The following LIX1L variants were observed in gnomAD, a reference collection of about 807,000 sequenced individuals.
LIX1L encodes LIX1-like protein.
In LIX1L, 20 loss-of-function variants were observed where a neutral mutation model predicts 34.0. That is an observed-to-expected ratio of 0.59 (90% CI 0.41 to 0.85). The LOEUF (loss-of-function observed/expected upper bound fraction) is 0.85. LIX1L is among the 40% of genes least tolerant of loss of function. LIX1L has a pLI of 0.00. For synonymous variants in LIX1L, 170 were observed against 187.4 expected (o/e 0.91, Z 0.76); for missense variants, 397 against 447.0 (o/e 0.89, Z 1.01).
In LIX1L at chr1:145,934,866, CA is replaced by C. The variant is rs587720380; in HGVS notation, c.*1443del. 8.1e-5 allele frequency: 12 copies of C among 147,394 alleles called. No individual in the cohort carries two copies. Among genetic ancestry groups the C allele is most frequent in the East Asian group, 2.0e-4 (1 of 4,980 alleles). The allele number at this position is 147,394 out of a possible 1,614,324, so 9.1% of individuals were successfully genotyped here. On this transcript the variant is annotated 3_prime_UTR_variant, in exon 6 of 6. Coordinates refer to ENST00000604000, the MANE Select transcript of LIX1L (RefSeq NM_153713.3). ...TCAAAAACAAAAACAAAAACAAAAC[CA>C]AAAAAAAACCACAAATAGGCCAGGC...
chr1:145,936,858 A>T (rs782235385), intron 5 of LIX1L, 50 bp downstream of exon 5: 40 of 1,225,870 alleles, frequency 3.3e-5, no homozygotes, highest in Non-Finnish European at 4.7e-5. Context: ...AAAAGAGTCC[A>T]CTGACAGATT....
chr1:145,948,747 C>G lies in LIX1L; in HGVS notation c.293-965G>C, dbSNP rs782121625. On this transcript the variant is annotated intron_variant, in intron 1 of 5. Transcript: ENST00000604000. This position sits in a 1 kb window ranked among gnomAD's most constrained non-coding sequence, Gnocchi z 4.0. The stretch of plus-strand genomic sequence containing the variant: ...CATCTTGCTAGGTACACCAAGATTG[C>G]AAATCCCTGACTGCTCTTTACTTGG... 1 of 152,202 alleles carries G rather than the reference C, an allele frequency of 6.6e-6. No individual in the cohort carries two copies. The highest frequency in any genetic ancestry group is 6.5e-5 in the Admixed American group (1 of 15,282). 9.4% of individuals were successfully genotyped at this position (152,202 alleles called of 1,614,324 possible). A position where few individuals can be genotyped will look rare whatever the true frequency, so the allele number is the denominator to read the frequency against.
At chr1:145,949,660 C>T (rs78895034) in intron 1 of LIX1L, among the ~76,000 whole-genome samples, 2,151 of 150,928 alleles carry the variant, frequency 0.014, 40 homozygotes, top group African/African-American at 0.04. Flanking sequence ...GGAAAAATAA[C>T]TAATTAAAAA....
Position 145,947,787 on chromosome 1 carries a change from A to G in LIX1L, c.293-5T>C, listed in dbSNP as rs1553759421. On this transcript the variant is annotated splice_polypyrimidine_tract_variant and splice_region_variant and intron_variant, in intron 1 of 5. Coordinates refer to ENST00000604000, the MANE Select transcript of LIX1L (RefSeq NM_153713.3). Reference sequence around the variant, plus strand: ...GAAGTGCCTCCACCACATTCACTACAAAAGAGAAGTACTTAAGTTCAGCAA... The same window carrying G: ...GAAGTGCCTCCACCACATTCACTACGAAAGAGAAGTACTTAAGTTCAGCAA... The G allele has an allele frequency of 1.2e-6, 2 of 1,614,016 alleles. No homozygotes were observed. Among genetic ancestry groups the G allele is most frequent in the African/African-American group, 1.3e-5 (1 of 75,042 alleles).
At position 145,957,522 on chromosome 1, in the gene LIX1L, C is replaced by T; in HGVS notation, c.292+114G>A. ...GTGTGCGTAGCCCAGAAGGAAACTCCCCAAAAGGAAATGCATGTGAGGGCT... is the reference window on the plus strand; with the variant it reads ...GTGTGCGTAGCCCAGAAGGAAACTCTCCAAAAGGAAATGCATGTGAGGGCT... On this transcript the variant is annotated intron_variant, in intron 1 of 5. Transcript: ENST00000604000. 4 of 1,314,804 alleles carry T rather than the reference C, an allele frequency of 3.0e-6. No individual in the cohort carries two copies. The South Asian group carries it at 6.1e-5, about 20-fold the overall frequency. 81.4% of individuals were successfully genotyped at this position (1,314,804 alleles called of 1,614,324 possible). A position where few individuals can be genotyped will look rare whatever the true frequency, so the allele number is the denominator to read the frequency against.
intron 1 of LIX1L, among the ~76,000 whole-genome samples, chr1:145,951,704 CTCCAGT>C (rs1219465652): frequency 1.3e-5 from 2 of 152,192 alleles, no homozygotes; most frequent in Non-Finnish European, 2.9e-5. Flanking sequence ...ATCTTTTCAG[CTCCAGT>C]TCCCTCTTTG....
rs1265538164 is a variant in LIX1L, at chr1:145,936,446, C to G, written c.878G>C (p.Arg293Thr). The change falls in exon 6 of 6, where the codon AGA (arginine) becomes ACA (threonine). Residue 293 changes from arginine to threonine, a missense_variant. Physicochemically the swap from Arg to Thr is moderately conservative, Grantham distance 71. This residue lies in a region of LIX1L where 174 missense variants were observed against 204.0 expected (regional missense o/e 0.85). Transcript: ENST00000604000. ...CTCCCGCTCAGTAGAGGCCAGCTCT[C>G]TAGACAGTGCCCCCGGCACACTCTG... ...REQSVPGALS[R>T]ELASTERELD... 6.2e-7 allele frequency: 1 copy of G among 1,614,056 alleles called. No homozygotes were observed. The highest frequency in any genetic ancestry group is 8.5e-7 in the Non-Finnish European group (1 of 1,180,052).
chr1:145,957,523 C>A lies in LIX1L; in HGVS notation c.292+113G>T, dbSNP rs782029124. On this transcript the variant is annotated intron_variant, in intron 1 of 5. Transcript: ENST00000604000. The stretch of plus-strand genomic sequence containing the variant: ...TGTGCGTAGCCCAGAAGGAAACTCC[C>A]CAAAAGGAAATGCATGTGAGGGCTC... 4.6e-6 allele frequency: 6 copies of A among 1,315,332 alleles called. No individual in the cohort carries two copies. The East Asian group carries it at 1.6e-4, about 34-fold the overall frequency. 81.5% of individuals were successfully genotyped at this position (1,315,332 alleles called of 1,614,324 possible).
rs782602514 is a variant in LIX1L, at chr1:145,957,724, G to A, written c.204C>T (p.Pro68=). 2.0e-6 allele frequency: 3 copies of A among 1,471,114 alleles called. No homozygotes were observed. Among genetic ancestry groups the A allele is most frequent in the Admixed American group, 2.5e-5 (1 of 39,612 alleles). 91.1% of individuals were successfully genotyped at this position (1,471,114 alleles called of 1,614,324 possible). The change falls in exon 1 of 6, where the codon CCC becomes CCT. Residue 68 remains proline, a synonymous_variant. Transcript: ENST00000604000. ...LSGAPGLPLP[P]GAAGSPAVLR... ...GCACTGCCGGGCTGCCGGCGGCGCC[G>A]GGGGGCAGGGGTAGTCCTGGGGCCC...
At chr1:145,940,550 C>CTTT (rs60579602) in intron 3 of LIX1L, among the ~76,000 whole-genome samples, 31 of 118,890 alleles carry the variant, frequency 2.6e-4, no homozygotes, top group Admixed American at 3.4e-4. Context: ...CCTTTTCTTT[C>CTTT]TTTTTTTTTT....
intron 4 of LIX1L, 143 bp from the exon 5 acceptor site, chr1:145,937,128 ATATTTATTTATTTATTTATTTATT>A (rs111555787): frequency 5.6e-5 from 11 of 195,158 alleles, no homozygotes; most frequent in African/African-American, 1.0e-4. Flanking sequence ...GGGAAGAAAA[ATATTTATTTATTTATTTATTTATT>A]TATTTATTTA....
intron 4 of LIX1L, 67 bp from the exon 5 acceptor site, chr1:145,937,052 A>T (rs1648676051): frequency 2.9e-5 from 32 of 1,085,036 alleles, no homozygotes; most frequent in Non-Finnish European, 4.5e-5. Flanking sequence ...TCAGAATTAC[A>T]TGGGAAACCT....
At chr1:145,950,416 GC>G (rs1218391932) in intron 1 of LIX1L, 2 of 152,154 alleles carry the variant, frequency 1.3e-5, no homozygotes, top group Non-Finnish European at 2.9e-5. Flanking sequence ...TCACTCTGTC[GC>G]CCAGACCGGA....
Position 145,934,548 on chromosome 1 carries a change from T to A in LIX1L, c.*1762A>T, listed in dbSNP as rs1461498515. On this transcript the variant is annotated 3_prime_UTR_variant, in exon 6 of 6. Coordinates refer to ENST00000604000, the MANE Select transcript of LIX1L (RefSeq NM_153713.3). Reference sequence around the variant, plus strand: ...GAGATAGCGCCACTGCACTCCAGCCTGGGCGACAGAGCGAGACTCCGTCTC... The same window carrying A: ...GAGATAGCGCCACTGCACTCCAGCCAGGGCGACAGAGCGAGACTCCGTCTC... 3.9e-5 allele frequency: 5 copies of A among 129,144 alleles called. No individual in the cohort carries two copies. The highest frequency in any genetic ancestry group is 1.5e-4 in the African/African-American group (5 of 33,032). The allele number at this position is 129,144 out of a possible 1,614,324, so 8.0% of individuals were successfully genotyped here.
chr1:145,947,913 G>T lies in LIX1L; in HGVS notation c.293-131C>A, dbSNP rs587681988. The T allele has an allele frequency of 3.9e-4, 283 of 727,278 alleles. No homozygotes were observed. The African/African-American group carries it at 4.5e-3, about 11-fold the overall frequency. The allele number at this position is 727,278 out of a possible 1,614,324, so 45.1% of individuals were successfully genotyped here. A position where few individuals can be genotyped will look rare whatever the true frequency, so the allele number is the denominator to read the frequency against. ...CCTTAGCTCCCTACCTATCGCCATT[G>T]AAAAGCATTTAAGTTAATAAACCTA... On this transcript the variant is annotated intron_variant, in intron 1 of 5. Transcript: ENST00000604000.
At position 145,935,200 on chromosome 1, in the gene LIX1L, A is replaced by C. The variant is rs587733198; in HGVS notation, c.*1110T>G. The C allele has an allele frequency of 6.6e-6, 1 of 152,146 alleles. No homozygotes were observed. The highest frequency in any genetic ancestry group is 2.4e-5 in the African/African-American group (1 of 41,516). The allele number at this position is 152,146 out of a possible 1,614,324, so 9.4% of individuals were successfully genotyped here. The stretch of plus-strand genomic sequence containing the variant: ...AAAAAAAAACCACACACACACACAA[A>C]TAACTGATCATTGATTCTCTTTCCC... On this transcript the variant is annotated 3_prime_UTR_variant, in exon 6 of 6. Coordinates refer to ENST00000604000, the MANE Select transcript of LIX1L (RefSeq NM_153713.3).
chr1:145,939,638 CTTTTTT>C (rs587705670), intron 3 of LIX1L, among the ~76,000 whole-genome samples: 1 of 132,762 alleles, frequency 7.5e-6, no homozygotes, highest in Admixed American at 7.7e-5. Context: ...TTTTCTTTTT[CTTTTTT>C]TTTTTTTTTT....
At chr1:145,951,566 T>A (rs1488904357) in intron 1 of LIX1L, among the ~76,000 whole-genome samples, 4 of 152,122 alleles carry the variant, frequency 2.6e-5, no homozygotes, top group Admixed American at 6.5e-5. Flanking sequence ...GCAAAAAAAA[T>A]TAAAATTAAA....
intron 1 of LIX1L, among the ~76,000 whole-genome samples, chr1:145,954,960 AC>A (rs1553760209): frequency 6.6e-6 from 1 of 152,146 alleles, no homozygotes; most frequent in African/African-American, 2.4e-5. Context: ...TCCAAAGTCA[AC>A]CCTCTTTGTA....
Sources: gnomAD v4.1 joint callset for allele counts (sites outside exome capture counted in the v4.1 genomes callset) on GRCh38, gnomAD v4.1.1 for gene constraint, gnomAD v4.1.1 regional missense constraint, Gnocchi (gnomAD v3.1) non-coding constraint, MANE v1.5 for transcripts, NCBI Gene and HGNC (gene_info 2026-07-23, HGNC 2026-07-21) for gene names.